Variants in MSS51 observed in about 807,000 individuals in gnomAD.
The protein encoded by MSS51 is putative protein MSS51 homolog, mitochondrial.
Under a neutral mutation model 40.2 loss-of-function variants are expected in MSS51, and 32 were observed. The ratio of observed to expected loss-of-function variants is 0.80; its 90% CI spans 0.60 to 1.07. The LOEUF is 1.07. Among genes scored for constraint, MSS51 ranks in the 50% least tolerant of loss-of-function variants. MSS51 has a pLI of 0.00. For missense variants in MSS51, 518 were observed against 568.9 expected (o/e 0.91, Z 0.91); for synonymous variants, 178 against 214.2 (o/e 0.83, Z 1.48).
intron 1 of MSS51, chr10:73,429,586 T>C: frequency 2.2e-6 from 1 of 455,956 alleles, no homozygotes. Flanking sequence ...CCTAAAGTGG[T>C]AAGTTTTGAG....
At position 73,430,194 on chromosome 10, in the gene MSS51, G is replaced by A. The variant is rs1457502049; in HGVS notation, c.-17-1893C>T. On this transcript the variant is annotated intron_variant, in intron 1 of 6. Coordinates refer to ENST00000299432, the MANE Select transcript of MSS51 (RefSeq NM_001024593.2). ...GGGGAAAGGTTCATGACATAGGTTTGGCAATAATTTCTAGGATATGACACC... is the reference window on the plus strand; with the variant it reads ...GGGGAAAGGTTCATGACATAGGTTTAGCAATAATTTCTAGGATATGACACC... Among the ~76,000 whole-genome samples, 9 of 152,044 alleles carry A rather than the reference G, an allele frequency of 5.9e-5. No individual in the cohort carries two copies. The East Asian group carries it at 1.7e-3, about 29-fold the overall frequency.
intron 3 of MSS51, among the ~76,000 whole-genome samples, chr10:73,427,297 GA>G (rs1440900599): frequency 6.5e-5 from 1 of 15,302 alleles, no homozygotes; most frequent in African/African-American, 2.8e-4. Flanking sequence ...TTTTTTTTTT[GA>G]GACAGAGTCT....
At chr10:73,429,790 T>C (rs2056015193) in intron 1 of MSS51, 2 of 416,938 alleles carry the variant, frequency 4.8e-6, no homozygotes, top group Middle Eastern at 3.7e-4. Flanking sequence ...ACACTATATA[T>C]AGAAGCAAAT....
chr10:73,424,739 C>A lies in MSS51; in HGVS notation c.1197G>T (p.Leu399=). 6.2e-7 allele frequency: 1 copy of A among 1,614,052 alleles called. No individual in the cohort carries two copies. Among genetic ancestry groups the A allele is most frequent in the Non-Finnish European group, 8.5e-7 (1 of 1,179,966 alleles). ...CAGTGATGTGTGTATCCAGTTCCAC[C>A]AGAATCTGCAAAGAGGATACCAACT... ...HQELVSSLQI[L]VELDTHITAF... The change falls in exon 7 of 7, where the codon CTG becomes CTT. Residue 399 remains leucine (L), a synonymous_variant. Transcript: ENST00000299432.
In MSS51 at chr10:73,428,231, A is replaced by T. The variant is rs752084924; in HGVS notation, c.54T>A (p.Ala18=). The change falls in exon 2 of 7, where the codon GCT becomes GCA. Residue 18 remains alanine, a synonymous_variant. Transcript: ENST00000299432. ...RRHKKPPSSV[A]PIIMAPTTIV... ...TTGTGGTTGGGGCCATGATGATGGGAGCCACTGATGAGGGAGGTTTCTTGT... is the reference window on the plus strand; with the variant it reads ...TTGTGGTTGGGGCCATGATGATGGGTGCCACTGATGAGGGAGGTTTCTTGT... 6.2e-7 allele frequency: 1 copy of T among 1,614,074 alleles called. No homozygotes were observed. Among genetic ancestry groups the T allele is most frequent in the Non-Finnish European group, 8.5e-7 (1 of 1,179,998 alleles).
intron 1 of MSS51, 148 bp from the exon 2 acceptor site, chr10:73,428,449 T>C: frequency 1.6e-6 from 1 of 634,432 alleles, no homozygotes; most frequent in Non-Finnish European, 2.7e-6. Context: ...TACTGGTTAT[T>C]GATCACCATA....
In MSS51 at chr10:73,424,488, C is replaced by A; in HGVS notation, c.*65G>T. On this transcript the variant is annotated 3_prime_UTR_variant, in exon 7 of 7. Coordinates refer to ENST00000299432, the MANE Select transcript of MSS51 (RefSeq NM_001024593.2). ...TAATGTTTTTCAAAGTTTGCAAGAA[C>A]CTGGCATTAGCAGGGTAATTTCATC... 8.0e-7 allele frequency: 1 copy of A among 1,254,450 alleles called. No individual in the cohort carries two copies. The highest frequency in any genetic ancestry group is 1.7e-5 in the Admixed American group (1 of 57,804). The allele number at this position is 1,254,450 out of a possible 1,614,324, so 77.7% of individuals were successfully genotyped here. A position where few individuals can be genotyped will look rare whatever the true frequency, so the allele number is the denominator to read the frequency against.
intron 5 of MSS51, 83 bp from the exon 6 acceptor site, chr10:73,425,274 C>T: frequency 1.3e-6 from 1 of 783,454 alleles, no homozygotes; most frequent in East Asian, 2.6e-5. Flanking sequence ...TGTGAGCACC[C>T]CACCCCTCAC....
intron 5 of MSS51, 135 bp downstream of exon 5, chr10:73,425,675 GA>G (rs796687340): frequency 0.029 from 14,156 of 489,276 alleles, 28 homozygotes; most frequent in African/African-American, 0.044. Context: ...AAAAAAAAAA[GA>G]AAAAAAAAAA....
chr10:73,430,158 T>C (rs1197678123), intron 1 of MSS51, among the ~76,000 whole-genome samples: 1 of 152,130 alleles, frequency 6.6e-6, no homozygotes, highest in East Asian at 1.9e-4. Context: ...AGTAAAACTA[T>C]AAAAGTCTAT....
chr10:73,427,330 G>C (rs1445086753), intron 3 of MSS51, among the ~76,000 whole-genome samples: 3 of 143,364 alleles, frequency 2.1e-5, no homozygotes, highest in African/African-American at 7.9e-5. Context: ...CCAGGCTGGA[G>C]TGCAGTGTGC....
chr10:73,430,675 T>G (rs1019367605), intron 1 of MSS51, among the ~76,000 whole-genome samples: 3 of 151,070 alleles, frequency 2.0e-5, no homozygotes, highest in Non-Finnish European at 4.4e-5. Context: ...CAGGTGAGAA[T>G]GTAAAATGGT....
chr10:73,432,489 A>C (rs2056035907), intron 1 of MSS51, among the ~76,000 whole-genome samples: 1 of 152,138 alleles, frequency 6.6e-6, no homozygotes, highest in Admixed American at 6.5e-5. Flanking sequence ...TTTTTGCTGC[A>C]ATGGAAGCAA....
intron 4 of MSS51, 57 bp from the exon 5 acceptor site, chr10:73,426,434 C>T: frequency 1.3e-6 from 2 of 1,578,430 alleles, no homozygotes; most frequent in Non-Finnish European, 1.7e-6. Context: ...CAAAATTTCC[C>T]CCTCACTAAT....
At chr10:73,432,965 CCA>C (rs2056039753) in intron 1 of MSS51, among the ~76,000 whole-genome samples, 2 of 152,112 alleles carry the variant, frequency 1.3e-5, no homozygotes, top group South Asian at 4.2e-4. Flanking sequence ...TTTGAACTTT[CCA>C]GAGTCTAGAA....
chr10:73,423,716 A>G lies in MSS51; in HGVS notation c.*837T>C, dbSNP rs1230262175. The G allele has an allele frequency of 5.3e-5, 8 of 152,266 alleles. No individual in the cohort carries two copies. The highest frequency in any genetic ancestry group is 1.2e-4 in the Non-Finnish European group (8 of 68,064). The allele number at this position is 152,266 out of a possible 1,614,324, so 9.4% of individuals were successfully genotyped here. ...GGCTACTCTAGGGTCAAAAGTCCCC[A>G]AGAGAAAACAGGAAAAGTAGACATT... On this transcript the variant is annotated 3_prime_UTR_variant, in exon 7 of 7. Transcript: ENST00000299432.
chr10:73,427,043 CTCCCCAGAACAAATGTAG>C (rs1430543736), intron 3 of MSS51, among the ~76,000 whole-genome samples: 6 of 152,104 alleles, frequency 3.9e-5, no homozygotes, highest in Non-Finnish European at 8.8e-5. Context: ...CAACCTCCAC[CTCCCCAGAACAAATGTAG>C]TCTTACTCCT....
At chr10:73,433,354 A>G (rs933162529) in intron 1 of MSS51, among the ~76,000 whole-genome samples, 159 bp downstream of exon 1, 3 of 152,140 alleles carry the variant, frequency 2.0e-5, no homozygotes, top group African/African-American at 7.2e-5. Flanking sequence ...GGAGATCCTT[A>G]TAAGGGGGTA....
At chr10:73,428,398 G>T in intron 1 of MSS51, 97 bp from the exon 2 acceptor site, 1 of 916,242 alleles carries the variant, frequency 1.1e-6, no homozygotes, top group Non-Finnish European at 1.6e-6. Flanking sequence ...TCTCATTCCA[G>T]TCTCTCAGAC....
Sources: allele counts gnomAD v4.1 joint callset (sites outside exome capture counted in the v4.1 genomes callset), GRCh38; gene constraint gnomAD v4.1.1; transcripts MANE v1.5; gene names NCBI Gene and HGNC (gene_info 2026-07-23, HGNC 2026-07-21).